The following CELF5 variants were observed in gnomAD, a reference collection of about 807,000 sequenced individuals.
CELF5 encodes CUGBP Elav-like family member 5.
In CELF5, 6 loss-of-function variants were observed where a neutral mutation model predicts 54.9. The observed-to-expected ratio is 0.11, with a 90% CI of 0.06 to 0.22. The LOEUF (loss-of-function observed/expected upper bound fraction) is 0.22. Among genes scored for constraint, CELF5 ranks in the 10% least tolerant of loss-of-function variants. CELF5 has a pLI of 1.00. For synonymous variants in CELF5, 271 were observed against 290.9 expected (o/e 0.93, Z 0.70); for missense variants, 401 against 678.6 (o/e 0.59, Z 4.54).
At chr19:3,270,025 C>T (rs997182883) in intron 2 of CELF5, among the ~76,000 whole-genome samples, 3 of 152,164 alleles carry the variant, frequency 2.0e-5, no homozygotes, top group Admixed American at 6.5e-5. Flanking sequence ...TGTTTCCAAT[C>T]GTTCCAAACT....
chr19:3,292,500 T>C (rs1235426567), intron 11 of CELF5, among the ~76,000 whole-genome samples: 3 of 151,852 alleles, frequency 2.0e-5, no homozygotes, highest in African/African-American at 7.3e-5. Flanking sequence ...GCCAGGCTGG[T>C]CTCAAACTCC....
chr19:3,252,436 C>A (rs74325723), intron 2 of CELF5, among the ~76,000 whole-genome samples: 1,560 of 152,232 alleles, frequency 0.01, 28 homozygotes, highest in African/African-American at 0.035. Context: ...AATCCGGGTC[C>A]CCAGGCCATG....
chr19:3,284,878 C>G lies in CELF5; in HGVS notation c.1040-24C>G, dbSNP rs1599477026. 4 of 1,610,760 alleles carry G rather than the reference C, an allele frequency of 2.5e-6. No individual in the cohort carries two copies. In the African/African-American group the frequency reaches 5.4e-5, roughly 22 times the overall value. ...GAAGACTTCTGCTGCTCCCGCCCCACTCAGCCCCTCTGTCTGCCCGCAGCT... is the reference window on the plus strand; with the variant it reads ...GAAGACTTCTGCTGCTCCCGCCCCAGTCAGCCCCTCTGTCTGCCCGCAGCT... On this transcript the variant is annotated intron_variant, in intron 8 of 12. Transcript: ENST00000292672.
intron 2 of CELF5, among the ~76,000 whole-genome samples, chr19:3,252,227 G>T (rs2079661188): frequency 6.6e-6 from 1 of 151,702 alleles, no homozygotes; most frequent in Non-Finnish European, 1.5e-5. Flanking sequence ...GTAGAGACGG[G>T]GTCTCATTAT....
rs1195812856 is a variant in CELF5 at position 3,251,652 on chromosome 19, C to CTTTTTTTT, written c.342+600_342+607dup. On this transcript the variant is annotated intron_variant, in intron 2 of 12. Coordinates refer to ENST00000292672, the MANE Select transcript of CELF5 (RefSeq NM_021938.4). Reference sequence around the variant, plus strand: ...CCACAGTTCCTTAACACAAGGGCTTCTTTTTTTTTTTTTTTTTTTTTTGTT... The same window carrying CTTTTTTTT: ...CCACAGTTCCTTAACACAAGGGCTTCTTTTTTTTTTTTTTTTTTTTTTTTTTTTTTGTT... Among the ~76,000 whole-genome samples, 56 of 67,090 alleles carry CTTTTTTTT rather than the reference C, an allele frequency of 8.3e-4. 1 individual carries two copies. Among genetic ancestry groups the CTTTTTTTT allele is most frequent in the East Asian group, 2.1e-3 (4 of 1,910 alleles). The allele number at this position is 67,090 out of a possible 152,430, so 44.0% of individuals were successfully genotyped here. A position where few individuals can be genotyped will look rare whatever the true frequency, so the allele number is the denominator to read the frequency against.
Position 3,224,910 on chromosome 19 carries a change from C to G in CELF5, c.171C>G (p.Asp57Glu), listed in dbSNP as rs201600115. Residue 57 changes from aspartate (D) to glutamate (E), a missense_variant, in exon 1 of 13, where the codon GAC becomes GAG. Asp to Glu is a conservative substitution (Grantham distance 45). Transcript: ENST00000292672. ...TGGGCCAGATCCCGCGGCACCTGGA[C>G]GAGAAGGACCTCAAGCCGCTCTTCG... The part of the protein sequence containing the change: ...LFVGQIPRHL[D>E]EKDLKPLFEQ... 3.1e-6 allele frequency: 5 copies of G among 1,608,488 alleles called. No individual in the cohort carries two copies. Among genetic ancestry groups the G allele is most frequent in the Non-Finnish European group, 4.2e-6 (5 of 1,178,148 alleles).
intron 2 of CELF5, among the ~76,000 whole-genome samples, chr19:3,269,301 G>A (rs565717088): frequency 3.3e-5 from 5 of 152,188 alleles, no homozygotes; most frequent in East Asian, 1.9e-4. Context: ...TCAGCCTCCC[G>A]AGTAGCTGGG....
chr19:3,263,510 G>A (rs1265579391), intron 2 of CELF5, among the ~76,000 whole-genome samples: 2 of 152,050 alleles, frequency 1.3e-5, no homozygotes, highest in Non-Finnish European at 2.9e-5. Flanking sequence ...GCAGTGAGCC[G>A]AGATTGTGCC....
intron 2 of CELF5, among the ~76,000 whole-genome samples, chr19:3,272,992 G>T (rs562927835): frequency 6.6e-6 from 1 of 152,086 alleles, no homozygotes; most frequent in South Asian, 2.1e-4. Context: ...CATTTTCAAT[G>T]CCTGGGGTGG....
At position 3,275,480 on chromosome 19, in the gene CELF5, C is replaced by T. The variant is rs558321228; in HGVS notation, c.395-376C>T. On this transcript the variant is annotated intron_variant, in intron 3 of 12. Transcript: ENST00000292672. The surrounding 1 kb of genome is among the most constrained non-coding windows in gnomAD (Gnocchi z 6.7). ...CAGACAGACAGACAGGGACCCAGGCCCGGCGAGGCAGCTCCTAGCCCTAGT... is the reference window on the plus strand; with the variant it reads ...CAGACAGACAGACAGGGACCCAGGCTCGGCGAGGCAGCTCCTAGCCCTAGT... Among the ~76,000 whole-genome samples, 9 of 152,352 alleles carry T rather than the reference C, an allele frequency of 5.9e-5. No homozygotes were observed. The South Asian group carries it at 1.4e-3, about 25-fold the overall frequency.
chr19:3,273,370 T>TAGGG, intron 2 of CELF5, among the ~76,000 whole-genome samples: 1 of 151,624 alleles, frequency 6.6e-6, no homozygotes, highest in Non-Finnish European at 1.5e-5. Flanking sequence ...CCTCCCCTAC[T>TAGGG]GAGGAGGAGG....
At chr19:3,252,027 G>C (rs2079658293) in intron 2 of CELF5, among the ~76,000 whole-genome samples, 1 of 151,542 alleles carries the variant, frequency 6.6e-6, no homozygotes. Context: ...GCTGGCCTGG[G>C]TGCTGTCTCT....
chr19:3,295,127 A>G (rs2080414829), intron 12 of CELF5: 1 of 152,406 alleles, frequency 6.6e-6, no homozygotes, highest in African/African-American at 2.4e-5. Context: ...TTCTTTGGAC[A>G]CCAGCCCTTT....
intron 1 of CELF5, among the ~76,000 whole-genome samples, chr19:3,249,395 C>T (rs535898412): frequency 6.6e-6 from 1 of 152,290 alleles, no homozygotes; most frequent in African/African-American, 2.4e-5. Flanking sequence ...TCTTGACTTG[C>T]TTGTCTCCTG....
At chr19:3,287,784 C>A (rs1183987702) in intron 10 of CELF5, among the ~76,000 whole-genome samples, 1 of 151,938 alleles carries the variant, frequency 6.6e-6, no homozygotes, top group Non-Finnish European at 1.5e-5. Flanking sequence ...AATCAAAAAT[C>A]TTTATCAGTG....
chr19:3,242,447 G>C (rs1238155878), intron 1 of CELF5, among the ~76,000 whole-genome samples: 1 of 151,932 alleles, frequency 6.6e-6, no homozygotes, highest in East Asian at 1.9e-4. Flanking sequence ...GAGGTGGGCG[G>C]ATCACTTGAG....
chr19:3,251,126 G>A, intron 2 of CELF5, 59 bp downstream of exon 2: 1 of 1,292,674 alleles, frequency 7.7e-7, no homozygotes, highest in African/African-American at 1.5e-5. Context: ...AGCCTGGGGT[G>A]GGAGCCAAGG....
At chr19:3,253,915 C>T (rs1257747426) in intron 2 of CELF5, among the ~76,000 whole-genome samples, 1 of 152,176 alleles carries the variant, frequency 6.6e-6, no homozygotes, top group East Asian at 1.9e-4. Flanking sequence ...CTCCCCCATT[C>T]CTTTGTCCTC....
At chr19:3,246,535 C>T (rs773493349) in intron 1 of CELF5, among the ~76,000 whole-genome samples, 1 of 151,828 alleles carries the variant, frequency 6.6e-6, no homozygotes, top group Non-Finnish European at 1.5e-5. Context: ...AAGACCCCAT[C>T]TCTAATAATA....
Sources: gnomAD v4.1 joint callset for allele counts (sites outside exome capture counted in the v4.1 genomes callset) on GRCh38, gnomAD v4.1.1 for gene constraint, Gnocchi (gnomAD v3.1) non-coding constraint, MANE v1.5 for transcripts, NCBI Gene and HGNC (gene_info 2026-07-23, HGNC 2026-07-21) for gene names.